Variants in DNAH5 observed in about 807,000 individuals in gnomAD.
DNAH5 encodes axonemal beta dynein heavy chain 5.
In DNAH5, 372 loss-of-function variants were observed where a neutral mutation model predicts 518.2. The observed-to-expected ratio is 0.72, with a 90% CI of 0.66 to 0.78. DNAH5 has a LOEUF of 0.78. Ranked by LOEUF, DNAH5 falls within the 30% of genes least tolerant of loss-of-function variation. The pLI is 0.00. For synonymous variants in DNAH5, 2,039 were observed against 2,025.9 expected (o/e 1.01, Z -0.17); for missense variants, 5,523 against 5,687.0 (o/e 0.97, Z 0.93).
In DNAH5 at chr5:13,753,547, C is replaced by T; in HGVS notation, c.10558G>A (p.Asp3520Asn). ...FAAQTKRLVGDVLLATAFLSY... is the reference protein window; with the variant it reads ...FAAQTKRLVGNVLLATAFLSY... Reference sequence around the variant, plus strand: ...AGAAAAGCTGTAGCCAACAGTACATCCCCTAAAATAGAAAACAAACACCAT... The same window carrying T: ...AGAAAAGCTGTAGCCAACAGTACATTCCCTAAAATAGAAAACAAACACCAT... Residue 3520 changes from aspartate (D) to asparagine (N), a missense_variant and splice_region_variant, in exon 63 of 79, where the codon GAT (aspartate) becomes AAT (asparagine). Transcript: ENST00000265104. 6.2e-7 allele frequency: 1 copy of T among 1,612,404 alleles called. No individual in the cohort carries two copies. The highest frequency in any genetic ancestry group is 1.3e-5 in the African/African-American group (1 of 74,902).
chr5:13,976,981 ATTTTGTCTC>A, intron 1 of DNAH5, among the ~76,000 whole-genome samples: 1 of 152,156 alleles, frequency 6.6e-6, no homozygotes. Flanking sequence ...ATTCAAATTT[ATTTTGTCTC>A]AATTCCCTAA....
At chr5:13,938,902 T>C (rs773481283) in intron 1 of DNAH5, among the ~76,000 whole-genome samples, 1 of 152,146 alleles carries the variant, frequency 6.6e-6, no homozygotes, top group South Asian at 2.1e-4. Context: ...TCAGGACAAA[T>C]TCACGAGCAG....
chr5:13,833,552 C>G (rs1273970075), intron 35 of DNAH5, among the ~76,000 whole-genome samples: 1 of 151,904 alleles, frequency 6.6e-6, no homozygotes, highest in Non-Finnish European at 1.5e-5. Context: ...TGGGTACTTA[C>G]GTTGCCTCTA....
intron 61 of DNAH5, among the ~76,000 whole-genome samples, chr5:13,757,248 A>T (rs1429590973): frequency 1.3e-5 from 2 of 152,160 alleles, no homozygotes; most frequent in Non-Finnish European, 2.9e-5. Flanking sequence ...GGTCAATGGT[A>T]TTTCTGTTTT....
intron 76 of DNAH5, among the ~76,000 whole-genome samples, chr5:13,704,993 ATT>A (rs111906324): frequency 1.4e-5 from 2 of 146,628 alleles, no homozygotes; most frequent in Admixed American, 6.8e-5. Flanking sequence ...CCAATAGACA[ATT>A]TTTTTTTTTT....
chr5:13,870,829 C>T lies in DNAH5; in HGVS notation c.3772G>A (p.Ala1258Thr), dbSNP rs1769984528. ...TCCTCCCTTATTTCTTTCAGCGCTGCCATTGCAATCCGAATATCATCTAGG... is the reference window on the plus strand; with the variant it reads ...TCCTCCCTTATTTCTTTCAGCGCTGTCATTGCAATCCGAATATCATCTAGG... The part of the protein sequence containing the change: ...KDLDDIRIAM[A>T]ALKEIREEQI... The change falls in exon 24 of 79, where the codon GCA becomes ACA. Residue 1258 changes from alanine to threonine, a missense_variant. Coordinates refer to ENST00000265104, the MANE Select transcript of DNAH5 (RefSeq NM_001369.3). The T allele has an allele frequency of 6.2e-7, 1 of 1,613,816 alleles. No homozygotes were observed. Among genetic ancestry groups the T allele is most frequent in the South Asian group, 1.1e-5 (1 of 91,072 alleles).
chr5:13,964,087 T>C (rs377705367), intron 1 of DNAH5, among the ~76,000 whole-genome samples: 1 of 152,250 alleles, frequency 6.6e-6, no homozygotes. Context: ...AGTAGTCTGA[T>C]AGGACTGTTC....
intron 10 of DNAH5, 90 bp downstream of exon 10, chr5:13,914,430 A>G: frequency 7.1e-7 from 1 of 1,407,536 alleles, no homozygotes; most frequent in Non-Finnish European, 9.8e-7. Context: ...TTATCAACCA[A>G]TGATATAATA....
chr5:13,832,710 C>T (rs1763831309), intron 35 of DNAH5, among the ~76,000 whole-genome samples: 1 of 152,172 alleles, frequency 6.6e-6, no homozygotes, highest in Non-Finnish European at 1.5e-5. Context: ...CCCCTGGCAC[C>T]TTGTACTATA....
intron 35 of DNAH5, among the ~76,000 whole-genome samples, chr5:13,833,567 A>G (rs1453488772): frequency 6.6e-6 from 1 of 152,134 alleles, no homozygotes; most frequent in Admixed American, 6.5e-5. Context: ...CCTCTAGTCC[A>G]CACAATGATT....
rs1344601147 is a variant in DNAH5 at position 13,862,708 on chromosome 5, G to C, written c.4636C>G (p.Gln1546Glu). Residue 1546 changes from glutamine to glutamate, a missense_variant, in exon 29 of 79, where the codon CAA becomes GAA. By Grantham distance (29) the Gln-to-Glu change is conservative. Around this residue, in one of 3 missense-constraint regions of DNAH5, gnomAD observed 5,121 missense variants for 5,223.3 expected, o/e 0.98. Coordinates refer to ENST00000265104, the MANE Select transcript of DNAH5 (RefSeq NM_001369.3). The part of the protein sequence containing the change: ...ISAVKERDIE[Q>E]KLKQVINEWD... ...TCATTAATCACTTGCTTCAGCTTTT[G>C]CTCAATGTCTCTCTCTTTCACCGCA... The C allele has an allele frequency of 2.5e-6, 4 of 1,613,780 alleles. No individual in the cohort carries two copies. The highest frequency in any genetic ancestry group is 3.4e-6 in the Non-Finnish European group (4 of 1,179,934).
At chr5:13,777,122 T>C in intron 54 of DNAH5, 80 bp downstream of exon 54, 1 of 1,377,512 alleles carries the variant, frequency 7.3e-7, no homozygotes, top group South Asian at 1.2e-5. Flanking sequence ...TTCACACCAC[T>C]AATGGAAGAA....
intron 1 of DNAH5, among the ~76,000 whole-genome samples, chr5:13,962,062 A>G (rs932725347): frequency 6.6e-6 from 1 of 152,214 alleles, no homozygotes; most frequent in Non-Finnish European, 1.5e-5. Context: ...TATTTAACAT[A>G]TACAATTTCA....
intron 43 of DNAH5, among the ~76,000 whole-genome samples, chr5:13,813,344 T>C (rs1760969558): frequency 1.3e-5 from 2 of 152,218 alleles, no homozygotes; most frequent in South Asian, 2.1e-4. Context: ...AAAAACCTTT[T>C]TGAAATTGAA....
In DNAH5 at chr5:13,732,884, A is replaced by G. The variant is rs1746811521; in HGVS notation, c.11761+2247T>C. 1.3e-5 allele frequency among the ~76,000 whole-genome samples: 2 copies of G among 152,214 alleles called. 1 individual carries two copies. Among genetic ancestry groups the G allele is most frequent in the Admixed American group, 1.3e-4 (2 of 15,288 alleles). On this transcript the variant is annotated intron_variant, in intron 68 of 78. Transcript: ENST00000265104. Reference sequence around the variant, plus strand: ...TAAAGTCCTTACAGAGAGAGTTTATATCACCAGGTAGCTCTCATCAACCTA... The same window carrying G: ...TAAAGTCCTTACAGAGAGAGTTTATGTCACCAGGTAGCTCTCATCAACCTA...
At chr5:13,917,619 C>T (rs1033656343) in intron 7 of DNAH5, among the ~76,000 whole-genome samples, 3 of 152,164 alleles carry the variant, frequency 2.0e-5, no homozygotes, top group African/African-American at 7.2e-5. Context: ...CCTGAACTCC[C>T]TTCCTATATC....
At chr5:13,915,130 C>T (rs960427155) in intron 9 of DNAH5, among the ~76,000 whole-genome samples, 3 of 152,000 alleles carry the variant, frequency 2.0e-5, no homozygotes, top group Admixed American at 6.6e-5. Context: ...ATTCATCTCT[C>T]CAAACTTCAC....
intron 19 of DNAH5, among the ~76,000 whole-genome samples, chr5:13,883,714 T>C (rs895298447): frequency 2.0e-4 from 30 of 152,234 alleles, no homozygotes; most frequent in Non-Finnish European, 5.9e-5. Flanking sequence ...CAAATATCTG[T>C]AATAGAAAAG....
At chr5:13,827,450 G>C (rs971422235) in intron 38 of DNAH5, among the ~76,000 whole-genome samples, 2 of 150,778 alleles carry the variant, frequency 1.3e-5, no homozygotes, top group African/African-American at 2.5e-5. Flanking sequence ...CATGGGACTT[G>C]GTGCCCTGCA....
Sources: gnomAD v4.1 joint callset for allele counts (sites outside exome capture counted in the v4.1 genomes callset) on GRCh38, gnomAD v4.1.1 for gene constraint, gnomAD v4.1.1 regional missense constraint, MANE v1.5 for transcripts, NCBI Gene and HGNC (gene_info 2026-07-23, HGNC 2026-07-21) for gene names.